CCDC60: variants seen among roughly 807,000 people sequenced by gnomAD.
The protein encoded by CCDC60 is coiled-coil domain containing 60, also known as coiled-coil domain-containing protein 60.
Under a neutral mutation model 63.5 loss-of-function variants are expected in CCDC60, and 54 were observed. That is an observed-to-expected ratio of 0.85 (90% CI 0.68 to 1.07). The LOEUF (loss-of-function observed/expected upper bound fraction) is 1.07, where lower values mean the gene tolerates loss of function less well. CCDC60 is among the 50% of genes least tolerant of loss of function. The pLI, the probability that CCDC60 is intolerant of heterozygous loss-of-function variation, is 0.00. For missense variants in CCDC60, 651 were observed against 684.3 expected, an observed-to-expected ratio of 0.95 and a Z score of 0.54; for synonymous variants, 206 against 238.8, an observed-to-expected ratio of 0.86 and a Z score of 1.27.
At chr12:119,463,992 T>C (rs1289379484) in intron 2 of CCDC60, among the ~76,000 whole-genome samples, 1 of 151,782 alleles carries the variant, frequency 6.6e-6, no homozygotes, top group Non-Finnish European at 1.5e-5. Flanking sequence ...TCTTTTTTCC[T>C]CTCTCCCTTC....
At chr12:119,464,068 T>G (rs1240834440) in intron 2 of CCDC60, among the ~76,000 whole-genome samples, 7 of 107,922 alleles carry the variant, frequency 6.5e-5, no homozygotes, top group African/African-American at 2.7e-4. Context: ...TTCCTTCCTC[T>G]GCGCCTGGCC....
intron 6 of CCDC60, 94 bp downstream of exon 6, chr12:119,500,262 T>C (rs2136413260): frequency 1.2e-6 from 1 of 838,734 alleles, no homozygotes; most frequent in Admixed American, 2.6e-5. Context: ...TGGGAATTTT[T>C]TTTTCCTAGT....
In CCDC60 at chr12:119,426,418, C is replaced by A. The variant is rs757169594; in HGVS notation, c.91-2265C>A. Among the ~76,000 whole-genome samples the A allele has an allele frequency of 6.6e-5, 10 of 151,972 alleles. No individual in the cohort carries two copies. In the East Asian group the frequency reaches 1.7e-3, roughly 27 times the overall value. On this transcript the variant is annotated intron_variant, in intron 1 of 13. Coordinates refer to ENST00000327554, the MANE Select transcript of CCDC60 (RefSeq NM_178499.5). ...GTCACCAGGCTGCACTGCAGTGGCG[C>A]GATCTCAGGTGACAGCAGCCTTGAC...
intron 5 of CCDC60, among the ~76,000 whole-genome samples, chr12:119,495,859 T>C (rs774358554): frequency 9.9e-5 from 15 of 152,026 alleles, no homozygotes; most frequent in South Asian, 2.1e-4. Context: ...TCAAGATACT[T>C]TGAGATAGCA....
intron 3 of CCDC60, among the ~76,000 whole-genome samples, chr12:119,473,452 A>G (rs185681077): frequency 1.3e-3 from 200 of 152,236 alleles, no homozygotes; most frequent in African/African-American, 4.5e-3. Flanking sequence ...CTGTTCATAG[A>G]TTAATTTTTT....
chr12:119,364,571 A>G (rs1955822063), intron 1 of CCDC60, among the ~76,000 whole-genome samples: 1 of 150,878 alleles, frequency 6.6e-6, no homozygotes, highest in Admixed American at 6.7e-5. Flanking sequence ...GCTCTCTTTT[A>G]TTACTGAATA....
chr12:119,443,023 G>C (rs906977532), intron 2 of CCDC60, among the ~76,000 whole-genome samples: 5 of 152,214 alleles, frequency 3.3e-5, no homozygotes, highest in Non-Finnish European at 4.4e-5. Flanking sequence ...CAGTGTTCAT[G>C]AAAGTAACTC....
At chr12:119,434,291 A>T (rs1950287790) in intron 2 of CCDC60, among the ~76,000 whole-genome samples, 1 of 144,000 alleles carries the variant, frequency 6.9e-6, no homozygotes, top group African/African-American at 2.5e-5. Flanking sequence ...TTTTTTTGGC[A>T]GGGGGGTTAG....
chr12:119,398,362 G>A (rs969235758), intron 1 of CCDC60, among the ~76,000 whole-genome samples: 14 of 152,122 alleles, frequency 9.2e-5, no homozygotes, highest in African/African-American at 2.2e-4. Context: ...ACGCCCACCC[G>A]GAACTCGTGC....
chr12:119,353,416 A>G (rs749575217), intron 1 of CCDC60, among the ~76,000 whole-genome samples: 2 of 151,990 alleles, frequency 1.3e-5, no homozygotes, highest in African/African-American at 2.4e-5. Flanking sequence ...AGGTTTGGAA[A>G]CTGTGCATTA....
chr12:119,361,633 A>G (rs991475046), intron 1 of CCDC60, among the ~76,000 whole-genome samples: 2 of 152,248 alleles, frequency 1.3e-5, no homozygotes, highest in African/African-American at 4.8e-5. Context: ...AGCAACATGT[A>G]CTGAGGATGG....
intron 7 of CCDC60, among the ~76,000 whole-genome samples, chr12:119,507,375 G>A (rs1332008039): frequency 1.3e-5 from 2 of 150,130 alleles, no homozygotes; most frequent in Non-Finnish European, 3.0e-5. Context: ...ATCTGAGATG[G>A]GAAGAAACTA....
intron 1 of CCDC60, among the ~76,000 whole-genome samples, chr12:119,395,399 T>A (rs1017430124): frequency 6.6e-6 from 1 of 152,158 alleles, no homozygotes; most frequent in African/African-American, 2.4e-5. Context: ...AGGAAACTTA[T>A]AACCATGGCA....
intron 13 of CCDC60, among the ~76,000 whole-genome samples, chr12:119,534,711 A>T (rs1163103932): frequency 6.6e-6 from 1 of 152,106 alleles, no homozygotes; most frequent in Non-Finnish European, 1.5e-5. Context: ...TATGTGATGG[A>T]TTACGTTTAT....
chr12:119,368,952 A>G (rs187757080), intron 1 of CCDC60, among the ~76,000 whole-genome samples: 6 of 152,208 alleles, frequency 3.9e-5, no homozygotes, highest in African/African-American at 1.4e-4. Flanking sequence ...ACTAACGTCT[A>G]GAGAGGATGA....
At chr12:119,481,405 G>A (rs1951316222) in intron 4 of CCDC60, among the ~76,000 whole-genome samples, 1 of 152,074 alleles carries the variant, frequency 6.6e-6, no homozygotes, top group South Asian at 2.1e-4. Flanking sequence ...CTGGGGGTGG[G>A]GGAGAGCAGG....
intron 2 of CCDC60, among the ~76,000 whole-genome samples, chr12:119,454,915 T>A (rs1310499839): frequency 6.6e-6 from 1 of 152,220 alleles, no homozygotes; most frequent in Non-Finnish European, 1.5e-5. Flanking sequence ...TCTGCCAGAA[T>A]TCCTCATGCT....
At chr12:119,388,683 A>G (rs1456117040) in intron 1 of CCDC60, among the ~76,000 whole-genome samples, 1 of 152,248 alleles carries the variant, frequency 6.6e-6, no homozygotes, top group African/African-American at 2.4e-5. Context: ...GGAAACACAT[A>G]TAATCAAGAC....
chr12:119,512,054 A>C (rs531734192), intron 7 of CCDC60, among the ~76,000 whole-genome samples: 5 of 152,214 alleles, frequency 3.3e-5, no homozygotes, highest in Non-Finnish European at 7.3e-5. Flanking sequence ...CACAGCCTAG[A>C]TGGCTCCAAA....
Sources: allele counts gnomAD v4.1 joint callset (sites outside exome capture counted in the v4.1 genomes callset), GRCh38; gene constraint gnomAD v4.1.1; transcripts MANE v1.5; gene names NCBI Gene and HGNC (gene_info 2026-07-23, HGNC 2026-07-21).